CTNNBL1: variants seen among roughly 807,000 people sequenced by gnomAD.
CTNNBL1 encodes beta-catenin-like protein 1.
A neutral mutation model predicts 72.7 loss-of-function variants in CTNNBL1; 31 were observed. The ratio of observed to expected loss-of-function variants is 0.43; its 90% confidence interval spans 0.32 to 0.58. The LOEUF (loss-of-function observed/expected upper bound fraction) is 0.58, where lower values mean the gene tolerates loss of function less well. Ranked by LOEUF, CTNNBL1 falls within the 20% of genes least tolerant of loss-of-function variation. The probability of loss-of-function intolerance (pLI) is 0.08; values close to 1 mark genes in which losing one functional copy is unlikely to be tolerated. For synonymous variants in CTNNBL1, 240 were observed against 267.3 expected (o/e 0.90, Z 1.00); for missense variants, 534 against 725.1 (o/e 0.74, Z 3.03).
chr20:37,835,373 A>G (rs573160223), intron 11 of CTNNBL1, among the ~76,000 whole-genome samples: 2 of 152,314 alleles, frequency 1.3e-5, no homozygotes, highest in South Asian at 4.1e-4. Flanking sequence ...GGAGAACCCT[A>G]ATACACATAG....
intron 7 of CTNNBL1, among the ~76,000 whole-genome samples, chr20:37,773,778 A>G (rs1490845752): frequency 6.6e-6 from 1 of 152,144 alleles, no homozygotes; most frequent in Non-Finnish European, 1.5e-5. Context: ...TGTCATCATC[A>G]TCATCATCAC....
chr20:37,795,802 A>G (rs1035832815), intron 10 of CTNNBL1, among the ~76,000 whole-genome samples: 1 of 139,822 alleles, frequency 7.2e-6, no homozygotes, highest in Non-Finnish European at 1.6e-5. Flanking sequence ...TTTACTGATG[A>G]TTTTTTTTCT....
intron 10 of CTNNBL1, among the ~76,000 whole-genome samples, chr20:37,796,892 A>T (rs1435649252): frequency 6.6e-6 from 1 of 152,150 alleles, no homozygotes; most frequent in Non-Finnish European, 1.5e-5. Flanking sequence ...TCTGAAGTGC[A>T]CATGTTACTT....
In CTNNBL1 at chr20:37,712,032, G is replaced by A. The variant is rs1348993538; in HGVS notation, c.30+17880G>A. 3.3e-5 allele frequency among the ~76,000 whole-genome samples: 5 copies of A among 152,204 alleles called. No individual in the cohort carries two copies. The South Asian group carries it at 6.2e-4, about 19-fold the overall frequency. ...CTACAGAGTGGAGAATTGTAGAGGA[G>A]CATTCTGGCCAGCTTAGCTGTGGGA... On this transcript the variant is annotated intron_variant, in intron 1 of 15. Transcript: ENST00000361383.
chr20:37,767,065 G>A (rs956797650), intron 6 of CTNNBL1, among the ~76,000 whole-genome samples: 8 of 152,122 alleles, frequency 5.3e-5, no homozygotes, highest in Middle Eastern at 3.2e-3. Flanking sequence ...AAAGGAGTGA[G>A]AAAGAAGACA....
intron 1 of CTNNBL1, among the ~76,000 whole-genome samples, chr20:37,696,316 C>T (rs533578303): frequency 6.6e-6 from 1 of 151,994 alleles, no homozygotes; most frequent in Non-Finnish European, 1.5e-5. Flanking sequence ...GTATAGTAGC[C>T]ACTAGGCACA....
chr20:37,803,142 A>T (rs1485632322), intron 11 of CTNNBL1, 94 bp downstream of exon 11: 4 of 1,121,892 alleles, frequency 3.6e-6, no homozygotes, highest in South Asian at 3.0e-5. Flanking sequence ...TGTTTGGGGG[A>T]TAGAGGGGAA....
chr20:37,733,500 G>A (rs905078085), intron 2 of CTNNBL1, among the ~76,000 whole-genome samples: 1 of 152,208 alleles, frequency 6.6e-6, no homozygotes, highest in Non-Finnish European at 1.5e-5. Flanking sequence ...GACTGCAAAA[G>A]TACAGCTTAG....
chr20:37,752,099 A>G (rs2073324500), intron 4 of CTNNBL1, among the ~76,000 whole-genome samples: 1 of 152,198 alleles, frequency 6.6e-6, no homozygotes, highest in Non-Finnish European at 1.5e-5. Context: ...CTGGTACCAC[A>G]TTAATGTAAC....
At chr20:37,823,099 T>C (rs2072124368) in intron 11 of CTNNBL1, among the ~76,000 whole-genome samples, 1 of 152,246 alleles carries the variant, frequency 6.6e-6, no homozygotes, top group Non-Finnish European at 1.5e-5. Flanking sequence ...AAATGCCATA[T>C]GTTCTTTAGG....
intron 2 of CTNNBL1, among the ~76,000 whole-genome samples, chr20:37,734,659 G>A (rs115143078): frequency 0.012 from 1,837 of 152,316 alleles, 39 homozygotes; most frequent in African/African-American, 0.042. Flanking sequence ...TGCCACTGAA[G>A]TCCCATTTGA....
At chr20:37,851,646 G>A (rs952963177) in intron 13 of CTNNBL1, among the ~76,000 whole-genome samples, 6 of 152,094 alleles carry the variant, frequency 3.9e-5, no homozygotes, top group Admixed American at 1.3e-4. Context: ...CCTGTTCCCC[G>A]TGAGCTTTTT....
chr20:37,700,278 A>G (rs1301719342), intron 1 of CTNNBL1, among the ~76,000 whole-genome samples: 1 of 152,218 alleles, frequency 6.6e-6, no homozygotes, highest in East Asian at 1.9e-4. Flanking sequence ...TCAGAGACTA[A>G]GATGGATGCC....
chr20:37,725,315 G>A (rs2073074511), intron 1 of CTNNBL1, among the ~76,000 whole-genome samples: 1 of 149,896 alleles, frequency 6.7e-6, no homozygotes, highest in Non-Finnish European at 1.5e-5. Flanking sequence ...TTTTTTTTGA[G>A]GCGGAGTTTC....
At position 37,803,013 on chromosome 20, in the gene CTNNBL1, T is replaced by C. The variant is rs1568787918; in HGVS notation, c.1178T>C (p.Ile393Thr). The change falls in exon 11 of 16, where the codon ATC (isoleucine) becomes ACC (threonine). Residue 393 changes from isoleucine to threonine, a missense_variant. Transcript: ENST00000361383. ...FPLFMKSPRKIKKVGTTEKEH... is the reference protein window; with the variant it reads ...FPLFMKSPRKTKKVGTTEKEH... ...CTCTTTATGAAATCTCCCAGGAAGA[T>C]CAAGAAAGTGGGAACCACTGAGAAG... is the stretch of plus-strand genomic sequence containing the variant. 6 of 1,613,972 alleles carry C rather than the reference T, an allele frequency of 3.7e-6. No individual in the cohort carries two copies. In the South Asian group the frequency reaches 6.6e-5, roughly 18 times the overall value.
chr20:37,753,069 A>G (rs1228067637), intron 4 of CTNNBL1, among the ~76,000 whole-genome samples: 1 of 152,110 alleles, frequency 6.6e-6, no homozygotes, highest in Non-Finnish European at 1.5e-5. Flanking sequence ...GTCTGTCTTT[A>G]GTTTTGATTC....
intron 1 of CTNNBL1, among the ~76,000 whole-genome samples, chr20:37,709,829 T>C (rs184562971): frequency 9.8e-5 from 15 of 152,376 alleles, no homozygotes; most frequent in Admixed American, 9.1e-4. Context: ...TTGTATTGAA[T>C]TGTACTAACT....
chr20:37,818,930 G>GT (rs893079935), intron 11 of CTNNBL1, among the ~76,000 whole-genome samples: 1 of 152,134 alleles, frequency 6.6e-6, no homozygotes, highest in Admixed American at 6.5e-5. Flanking sequence ...CATATGTCAA[G>GT]TTTTCTTTCT....
At chr20:37,824,824 T>G (rs1453615692) in intron 11 of CTNNBL1, among the ~76,000 whole-genome samples, 1 of 152,196 alleles carries the variant, frequency 6.6e-6, no homozygotes, top group African/African-American at 2.4e-5. Flanking sequence ...CCCAGATGGC[T>G]ACTAGAGCTC....
Sources: gnomAD v4.1 joint callset for allele counts (sites outside exome capture counted in the v4.1 genomes callset) on GRCh38, gnomAD v4.1.1 for gene constraint, MANE v1.5 for transcripts, NCBI Gene and HGNC (gene_info 2026-07-23, HGNC 2026-07-21) for gene names.